ADGRB3: variants seen among roughly 807,000 people sequenced by gnomAD.
The protein encoded by ADGRB3 is brain-specific angiogenesis inhibitor 3.
A neutral mutation model predicts 193.4 loss-of-function variants in ADGRB3; 37 were observed. The ratio of observed to expected loss-of-function variants is 0.19; its 90% CI spans 0.15 to 0.25. ADGRB3 has a LOEUF of 0.25. Among genes scored for constraint, ADGRB3 ranks in the 10% least tolerant of loss-of-function variants. The pLI, the probability that ADGRB3 is intolerant of heterozygous loss-of-function variation, is 1.00. For missense variants in ADGRB3, 1,637 were observed against 1,852.9 expected (o/e 0.88, Z 2.14); for synonymous variants, 690 against 644.2 (o/e 1.07, Z -1.08).
At chr6:68,959,382 G>C (rs529919982) in intron 8 of ADGRB3, among the ~76,000 whole-genome samples, 2 of 151,950 alleles carry the variant, frequency 1.3e-5, no homozygotes, top group Non-Finnish European at 2.9e-5. Context: ...TAAACAATAT[G>C]CTTTTTCTAG....
chr6:68,869,015 C>T (rs1488199205), intron 3 of ADGRB3, among the ~76,000 whole-genome samples: 1 of 151,266 alleles, frequency 6.6e-6, no homozygotes. Context: ...TGTTGATGCT[C>T]CCTCAAAGCA....
At chr6:69,080,887 T>C (rs1323160171) in intron 17 of ADGRB3, among the ~76,000 whole-genome samples, 1 of 152,050 alleles carries the variant, frequency 6.6e-6, no homozygotes, top group East Asian at 1.9e-4. Flanking sequence ...ATCACAATTG[T>C]ATGACAAACG....
In ADGRB3 at chr6:69,007,691, TCTCACA is replaced by T. The variant is rs1477909416; in HGVS notation, c.1930-6345_1930-6340del. Among the ~76,000 whole-genome samples the T allele has an allele frequency of 2.4e-3, 178 of 73,304 alleles. 1 individual carries two copies. The highest frequency in any genetic ancestry group is 0.014 in the Middle Eastern group (2 of 148). 48.1% of individuals were successfully genotyped at this position (73,304 alleles called of 152,430 possible). ...ATCTCTCTCTCTCTCTCTCTCTCTC[TCTCACA>T]CACACACACACACACACACACACAC... On this transcript the variant is annotated intron_variant, in intron 11 of 31. Coordinates refer to ENST00000370598, the MANE Select transcript of ADGRB3 (RefSeq NM_001704.3).
chr6:68,772,894 AAT>A (rs1208790675), intron 3 of ADGRB3, among the ~76,000 whole-genome samples: 248 of 22,792 alleles, frequency 0.011, no homozygotes, highest in Non-Finnish European at 0.014. Context: ...AAAAAAAAAA[AAT>A]ATATATATAT....
chr6:69,265,660 T>TA (rs1237206070), intron 20 of ADGRB3, among the ~76,000 whole-genome samples: 1 of 152,080 alleles, frequency 6.6e-6, no homozygotes, highest in African/African-American at 2.4e-5. Flanking sequence ...ACTTCTTCTC[T>TA]ATTGTAATAT....
chr6:69,350,939 G>C (rs1227586839), intron 26 of ADGRB3, among the ~76,000 whole-genome samples: 1 of 151,934 alleles, frequency 6.6e-6, no homozygotes, highest in Non-Finnish European at 1.5e-5. Context: ...CGTTCAAATA[G>C]CTGTGAATGC....
At chr6:69,083,452 C>T (rs1488459260) in intron 17 of ADGRB3, among the ~76,000 whole-genome samples, 1 of 151,830 alleles carries the variant, frequency 6.6e-6, no homozygotes, top group Non-Finnish European at 1.5e-5. Flanking sequence ...GTGTCTGGCA[C>T]ATATATCAGT....
At chr6:69,181,486 A>G (rs890682063) in intron 17 of ADGRB3, among the ~76,000 whole-genome samples, 1 of 152,308 alleles carries the variant, frequency 6.6e-6, no homozygotes, top group South Asian at 2.1e-4. Flanking sequence ...CTGAGACGGT[A>G]AGACATATAG....
chr6:69,332,874 T>C, intron 23 of ADGRB3, 49 bp from the exon 24 acceptor site: 1 of 1,604,514 alleles, frequency 6.2e-7, no homozygotes, highest in South Asian at 1.1e-5. Flanking sequence ...AACAGGGACC[T>C]GATTCCCTTC....
At chr6:69,023,431 C>T (rs957201503) in intron 13 of ADGRB3, among the ~76,000 whole-genome samples, 2 of 151,940 alleles carry the variant, frequency 1.3e-5, no homozygotes, top group African/African-American at 4.8e-5. Flanking sequence ...GATAAGTCAA[C>T]ATAAAGAAGA....
intron 3 of ADGRB3, among the ~76,000 whole-genome samples, chr6:68,795,061 G>C (rs1018496405): frequency 1.4e-4 from 22 of 151,944 alleles, no homozygotes; most frequent in African/African-American, 5.1e-4. Context: ...ATATACACAG[G>C]AGAGCCCAAG....
chr6:69,118,754 A>G (rs1773603227), intron 17 of ADGRB3, among the ~76,000 whole-genome samples: 2 of 152,158 alleles, frequency 1.3e-5, no homozygotes, highest in Non-Finnish European at 2.9e-5. Flanking sequence ...TTACAGAAAA[A>G]AAAAATAAGA....
intron 3 of ADGRB3, among the ~76,000 whole-genome samples, chr6:68,927,550 A>G (rs1235883820): frequency 1.3e-5 from 2 of 152,162 alleles, no homozygotes; most frequent in African/African-American, 2.4e-5. Context: ...GGAGAGAACC[A>G]TAACATTATC....
At chr6:69,100,566 G>A (rs1055979535) in intron 17 of ADGRB3, among the ~76,000 whole-genome samples, 3 of 151,938 alleles carry the variant, frequency 2.0e-5, no homozygotes, top group Admixed American at 6.6e-5. Flanking sequence ...AATGCTTTTT[G>A]GCTGTATGGG....
At chr6:68,967,592 G>A (rs371566786) in intron 8 of ADGRB3, among the ~76,000 whole-genome samples, 9 of 152,096 alleles carry the variant, frequency 5.9e-5, no homozygotes, top group African/African-American at 1.7e-4. Flanking sequence ...TACTGCTAGA[G>A]GATCCACCCC....
chr6:68,829,008 A>G (rs1767901297), intron 3 of ADGRB3, among the ~76,000 whole-genome samples: 1 of 151,118 alleles, frequency 6.6e-6, no homozygotes, highest in South Asian at 2.1e-4. Context: ...GTCTCATAAT[A>G]TCCTGTTAGC....
intron 3 of ADGRB3, among the ~76,000 whole-genome samples, chr6:68,890,206 C>G (rs1436795981): frequency 6.6e-6 from 1 of 152,202 alleles, no homozygotes; most frequent in Non-Finnish European, 1.5e-5. Context: ...CATACTTCAT[C>G]TTGAGCTAAA....
chr6:69,320,392 T>C (rs1768420815), intron 20 of ADGRB3, among the ~76,000 whole-genome samples: 1 of 151,658 alleles, frequency 6.6e-6, no homozygotes, highest in South Asian at 2.1e-4. Context: ...CGGGGGTACA[T>C]GTGCAGCTTT....
intron 3 of ADGRB3, among the ~76,000 whole-genome samples, chr6:68,811,055 A>G (rs757677475): frequency 1.1e-4 from 17 of 152,110 alleles, no homozygotes; most frequent in Admixed American, 6.5e-4. Flanking sequence ...AAAATTGTTT[A>G]CCCTATGGTT....
Sources: allele counts gnomAD v4.1 joint callset (sites outside exome capture counted in the v4.1 genomes callset), GRCh38; gene constraint gnomAD v4.1.1; transcripts MANE v1.5; gene names NCBI Gene and HGNC (gene_info 2026-07-23, HGNC 2026-07-21).